Variants in SLBP observed in about 807,000 individuals in gnomAD.
The protein encoded by SLBP is histone RNA hairpin-binding protein.
SLBP carries 29 observed loss-of-function variants against 39.2 expected under a neutral mutation model. That is an observed-to-expected ratio of 0.74 (90% CI 0.55 to 1.01). The LOEUF is 1.01. Ranked by LOEUF, SLBP falls within the 50% of genes least tolerant of loss-of-function variation. The pLI is 0.00. For synonymous variants in SLBP, 129 were observed against 118.7 expected (o/e 1.09, Z -0.57); for missense variants, 390 against 350.2 (o/e 1.11, Z -0.91).
intron 5 of SLBP, among the ~76,000 whole-genome samples, chr4:1,698,597 G>C (rs887468796): frequency 1.3e-5 from 2 of 149,376 alleles, no homozygotes. Context: ...TGATTCTCCT[G>C]CCTCAGCCTC....
chr4:1,711,013 C>T (rs1228929302), intron 2 of SLBP, among the ~76,000 whole-genome samples: 1 of 147,622 alleles, frequency 6.8e-6, no homozygotes, highest in Admixed American at 6.7e-5. Flanking sequence ...ATCGCGTCAC[C>T]GCACTCCAGC....
intron 3 of SLBP, among the ~76,000 whole-genome samples, chr4:1,700,839 C>G (rs1716297840): frequency 6.6e-6 from 1 of 152,148 alleles, no homozygotes; most frequent in Non-Finnish European, 1.5e-5. Flanking sequence ...GTACTGAGAT[C>G]AGGAGTGAGC....
At position 1,692,734 on chromosome 4, in the gene SLBP, T is replaced by G. The variant is rs753717867; in HGVS notation, c.*863A>C. 1.3e-5 allele frequency: 2 copies of G among 152,688 alleles called. No homozygotes were observed. The highest frequency in any genetic ancestry group is 2.9e-5 in the Non-Finnish European group (2 of 68,060). The allele number at this position is 152,688 out of a possible 1,614,324, so 9.5% of individuals were successfully genotyped here. A position where few individuals can be genotyped will look rare whatever the true frequency, so the allele number is the denominator to read the frequency against. On this transcript the variant is annotated 3_prime_UTR_variant, in exon 8 of 8. Transcript: ENST00000489418. ...GACACAAGAAAGGCAGACACAATTCTGACCCTCCAAACATGTCAGCTCTCA... is the reference window on the plus strand; with the variant it reads ...GACACAAGAAAGGCAGACACAATTCGGACCCTCCAAACATGTCAGCTCTCA...
At position 1,696,431 on chromosome 4, in the gene SLBP, G is replaced by A. The variant is rs542772645; in HGVS notation, c.480-80C>T. Reference sequence around the variant, plus strand: ...TTAGCCTGAAGATTAACCAAACTATGAGATTAGTATTATTTTAAATATTAC... The same window carrying A: ...TTAGCCTGAAGATTAACCAAACTATAAGATTAGTATTATTTTAAATATTAC... On this transcript the variant is annotated intron_variant, in intron 5 of 7. Transcript: ENST00000489418. The A allele has an allele frequency of 9.2e-5, 111 of 1,202,746 alleles. No homozygotes were observed. In the East Asian group the frequency reaches 2.3e-3, roughly 25 times the overall value. 74.5% of individuals were successfully genotyped at this position (1,202,746 alleles called of 1,614,324 possible).
At chr4:1,700,825 A>C (rs1716297389) in intron 3 of SLBP, among the ~76,000 whole-genome samples, 1 of 152,088 alleles carries the variant, frequency 6.6e-6, no homozygotes. Context: ...TCAGCCTCTC[A>C]AAAGTACTGA....
chr4:1,710,864 A>G (rs924027174), intron 2 of SLBP, among the ~76,000 whole-genome samples: 3 of 151,606 alleles, frequency 2.0e-5, no homozygotes, highest in African/African-American at 7.3e-5. Context: ...AGTCTGGTCA[A>G]CATGGTGAAA....
Position 1,703,617 on chromosome 4 carries a change from C to A in SLBP, c.260G>T (p.Arg87Ile). 2 of 1,612,428 alleles carry A rather than the reference C, an allele frequency of 1.2e-6. No individual in the cohort carries two copies. The highest frequency in any genetic ancestry group is 1.7e-6 in the Non-Finnish European group (2 of 1,178,434). ...SAVEEDEMRT[R>I]VNKEMARYKR... ...GTACCTTGCCATTTCTTTGTTAACT[C>A]TGGTCCTCATTTCATCTTCTTCAAC... The change falls in exon 3 of 8, where the codon AGA becomes ATA. Residue 87 changes from arginine (R) to isoleucine (I), a missense_variant. Transcript: ENST00000489418.
Position 1,693,673 on chromosome 4 carries a change from T to TC in SLBP, c.736dup (p.Asp246GlyfsTer7). 2 of 1,613,892 alleles carry TC rather than the reference T, an allele frequency of 1.2e-6. No homozygotes were observed. Among genetic ancestry groups the TC allele is most frequent in the African/African-American group, 1.3e-5 (1 of 75,058 alleles). ...ATCAAACTCATCCTCCACTTGACTGTCCATGTGTCTCACCTTGGTGGGTGT... is the reference window on the plus strand; with the variant it reads ...ATCAAACTCATCCTCCACTTGACTGTCCCATGTGTCTCACCTTGGTGGGTGT... On this transcript the variant is annotated frameshift_variant, in exon 8 of 8. Coordinates refer to ENST00000489418, the MANE Select transcript of SLBP (RefSeq NM_006527.4). LOFTEE classifies it high-confidence loss of function.
At position 1,694,982 on chromosome 4, in the gene SLBP, T is replaced by C. The variant is rs879749452; in HGVS notation, c.630-142A>G. On this transcript the variant is annotated intron_variant, in intron 6 of 7. Transcript: ENST00000489418. Reference sequence around the variant, plus strand: ...GGCTCCCTGAGGGGTCAGCTTTCAGTGACTATTTGACAGACTTAATCCCAG... The same window carrying C: ...GGCTCCCTGAGGGGTCAGCTTTCAGCGACTATTTGACAGACTTAATCCCAG... 34 of 648,922 alleles carry C rather than the reference T, an allele frequency of 5.2e-5. 1 individual carries two copies. The highest frequency in any genetic ancestry group is 2.4e-4 in the Admixed American group (10 of 42,018). 40.2% of individuals were successfully genotyped at this position (648,922 alleles called of 1,614,324 possible). A position where few individuals can be genotyped will look rare whatever the true frequency, so the allele number is the denominator to read the frequency against.
Position 1,696,099 on chromosome 4 carries a change from G to C in SLBP, c.629+103C>G, listed in dbSNP as rs1049379495. 4 of 992,168 alleles carry C rather than the reference G, an allele frequency of 4.0e-6. No individual in the cohort carries two copies. In the African/African-American group the frequency reaches 6.8e-5, roughly 17 times the overall value. The allele number at this position is 992,168 out of a possible 1,614,324, so 61.5% of individuals were successfully genotyped here. ...GCAGCTGCTCTGCTCCCCAACAGCT[G>C]CTGGGGGACTTGGCACCAGACCTCC... On this transcript the variant is annotated intron_variant, in intron 6 of 7. Transcript: ENST00000489418.
intron 2 of SLBP, among the ~76,000 whole-genome samples, chr4:1,710,368 G>A (rs373646638): frequency 6.6e-6 from 1 of 152,206 alleles, no homozygotes; most frequent in African/African-American, 2.4e-5. Flanking sequence ...CTTAGCAAAT[G>A]GCCCCAATCA....
At chr4:1,703,904 C>T (rs1716423285) in intron 2 of SLBP, among the ~76,000 whole-genome samples, 1 of 151,970 alleles carries the variant, frequency 6.6e-6, no homozygotes, top group South Asian at 2.1e-4. Flanking sequence ...ATCTCTGTCC[C>T]CCACCCAAAA....
At chr4:1,700,225 G>A (rs1716274519) in intron 3 of SLBP, 155 bp from the exon 4 acceptor site, 2 of 442,956 alleles carry the variant, frequency 4.5e-6, no homozygotes, top group Admixed American at 4.2e-5. Flanking sequence ...TTCAGTTTAA[G>A]TAGTGAGATC....
At chr4:1,709,414 A>T (rs530877528) in intron 2 of SLBP, among the ~76,000 whole-genome samples, 12 of 152,122 alleles carry the variant, frequency 7.9e-5, no homozygotes, top group Admixed American at 2.0e-4. Flanking sequence ...ATCTGTAAAC[A>T]GTGTTCAAGA....
At chr4:1,711,461 G>T (rs1716765381) in intron 2 of SLBP, among the ~76,000 whole-genome samples, 1 of 151,852 alleles carries the variant, frequency 6.6e-6, no homozygotes, top group Non-Finnish European at 1.5e-5. Context: ...CCCTCCTTTC[G>T]CTCGCATCTC....
At chr4:1,708,886 G>A (rs1716623698) in intron 2 of SLBP, among the ~76,000 whole-genome samples, 1 of 152,182 alleles carries the variant, frequency 6.6e-6, no homozygotes, top group Non-Finnish European at 1.5e-5. Flanking sequence ...ATAGTTTGAG[G>A]AATGAGGACA....
At chr4:1,711,051 TAAAAAAAAA>T (rs34503092) in intron 2 of SLBP, among the ~76,000 whole-genome samples, 25 of 121,496 alleles carry the variant, frequency 2.1e-4, no homozygotes, top group African/African-American at 2.9e-4. Flanking sequence ...ACCCTGTCTT[TAAAAAAAAA>T]AAAAAAAAAA....
chr4:1,696,372 T>A, intron 5 of SLBP, 21 bp from the exon 6 acceptor site: 1 of 1,528,838 alleles, frequency 6.5e-7, no homozygotes, highest in Non-Finnish European at 8.8e-7. Flanking sequence ...AAGATTATTC[T>A]AGCACATGCC....
chr4:1,707,091 C>T (rs781398401), intron 2 of SLBP, among the ~76,000 whole-genome samples: 127 of 148,674 alleles, frequency 8.5e-4, no homozygotes, highest in African/African-American at 2.9e-3. Context: ...CGGTGGCGGG[C>T]GCCTGTAGTC....
Sources: gnomAD v4.1 joint callset for allele counts (sites outside exome capture counted in the v4.1 genomes callset) on GRCh38, gnomAD v4.1.1 for gene constraint, MANE v1.5 for transcripts, NCBI Gene and HGNC (gene_info 2026-07-23, HGNC 2026-07-21) for gene names.